The following CATSPERB variants were observed in gnomAD, a reference collection of about 807,000 sequenced individuals.
The protein encoded by CATSPERB is catsper channel auxiliary subunit beta.
A neutral mutation model predicts 128.3 loss-of-function variants in CATSPERB; 93 were observed. That is an observed-to-expected ratio of 0.72 (90% confidence interval 0.61 to 0.86). The LOEUF (loss-of-function observed/expected upper bound fraction) is 0.86. Among genes scored for constraint, CATSPERB ranks in the 40% least tolerant of loss-of-function variants. The probability of loss-of-function intolerance (pLI) is 0.00; values close to 1 mark genes in which losing one functional copy is unlikely to be tolerated. For synonymous variants in CATSPERB, 381 were observed against 448.8 expected, an observed-to-expected ratio of 0.85 and a Z score of 1.91; for missense variants, 1,153 against 1,329.5, an observed-to-expected ratio of 0.87 and a Z score of 2.06.
rs530401508 is a variant in CATSPERB, at chr14:91,582,758, G to A, written c.3133-1651C>T. On this transcript the variant is annotated intron_variant, in intron 26 of 26. Transcript: ENST00000256343. ...GCAAAGAAACCACCTGACTGCAGGG[G>A]TGAGGGACCACACCCTACGTCCCCT... Among the ~76,000 whole-genome samples the A allele has an allele frequency of 7.2e-5, 11 of 152,344 alleles. No homozygotes were observed. In the East Asian group the frequency reaches 1.5e-3, roughly 21 times the overall value.
chr14:91,612,012 T>TTTTCTTTCTTTCTTTC (rs71120177), intron 20 of CATSPERB, among the ~76,000 whole-genome samples: 1,861 of 133,012 alleles, frequency 0.014, 46 homozygotes, highest in African/African-American at 0.029. Context: ...TTGTTTACTG[T>TTTTCTTTCTTTCTTTC]TTTCTTTCTT....
At chr14:91,618,516 T>C (rs1162391791) in intron 19 of CATSPERB, among the ~76,000 whole-genome samples, 1 of 152,230 alleles carries the variant, frequency 6.6e-6, no homozygotes, top group Non-Finnish European at 1.5e-5. Context: ...GCTTCTCAAA[T>C]GCTAATCAAG....
At chr14:91,664,553 T>C (rs543667079) in intron 14 of CATSPERB, among the ~76,000 whole-genome samples, 1 of 152,128 alleles carries the variant, frequency 6.6e-6, no homozygotes, top group South Asian at 2.1e-4. Context: ...GTCTTCCATG[T>C]CTTTTACATG....
chr14:91,718,973 C>T (rs1895987308), intron 5 of CATSPERB, among the ~76,000 whole-genome samples: 1 of 152,104 alleles, frequency 6.6e-6, no homozygotes, highest in Non-Finnish European at 1.5e-5. Flanking sequence ...GACTTTTCTC[C>T]TCTTTTCATC....
chr14:91,624,533 C>T (rs1049072978), intron 18 of CATSPERB, among the ~76,000 whole-genome samples: 1 of 151,696 alleles, frequency 6.6e-6, no homozygotes, highest in Non-Finnish European at 1.5e-5. Context: ...CCCAGCTACT[C>T]GGGAGGCTGA....
chr14:91,655,044 C>T (rs1368664014), intron 15 of CATSPERB, among the ~76,000 whole-genome samples: 2 of 151,792 alleles, frequency 1.3e-5, no homozygotes, highest in African/African-American at 2.4e-5. Context: ...TACAAGTTCT[C>T]CTGGATCTTA....
intron 13 of CATSPERB, among the ~76,000 whole-genome samples, chr14:91,671,394 CA>C (rs1895085056): frequency 6.6e-6 from 1 of 151,956 alleles, no homozygotes; most frequent in Admixed American, 6.6e-5. Flanking sequence ...GCCAACATGA[CA>C]AAACCCCATC....
chr14:91,711,944 A>C (rs1287224218), intron 5 of CATSPERB, among the ~76,000 whole-genome samples: 1 of 152,256 alleles, frequency 6.6e-6, no homozygotes, highest in Non-Finnish European at 1.5e-5. Context: ...CAATATTTGA[A>C]CATTTTACAA....
intron 14 of CATSPERB, among the ~76,000 whole-genome samples, chr14:91,661,232 T>C (rs1172902332): frequency 2.6e-5 from 4 of 152,174 alleles, no homozygotes; most frequent in African/African-American, 7.2e-5. Context: ...GTACCTGTTT[T>C]TCTATAAGTT....
At chr14:91,597,118 C>T (rs191519686) in intron 22 of CATSPERB, among the ~76,000 whole-genome samples, 74 of 151,818 alleles carry the variant, frequency 4.9e-4, no homozygotes, top group Admixed American at 4.3e-3. Flanking sequence ...TGGTCTCGAT[C>T]TGACCTCGTG....
chr14:91,619,146 G>C (rs927248590), intron 19 of CATSPERB, among the ~76,000 whole-genome samples: 2 of 152,064 alleles, frequency 1.3e-5, no homozygotes, highest in Non-Finnish European at 2.9e-5. Flanking sequence ...GATTACAATG[G>C]AACAGATCCT....
intron 10 of CATSPERB, among the ~76,000 whole-genome samples, chr14:91,688,534 T>C (rs1252294524): frequency 1.3e-5 from 2 of 152,186 alleles, no homozygotes; most frequent in Non-Finnish European, 2.9e-5. Flanking sequence ...TCTGTTCCTT[T>C]TTAAATCCAT....
intron 11 of CATSPERB, among the ~76,000 whole-genome samples, chr14:91,680,320 G>A (rs1240734029): frequency 6.6e-6 from 1 of 152,154 alleles, no homozygotes; most frequent in Non-Finnish European, 1.5e-5. Context: ...TGGTGGTCAT[G>A]TGATATTATA....
chr14:91,639,092 T>C lies in CATSPERB; in HGVS notation c.1587+4A>G, dbSNP rs1894437145. On this transcript the variant is annotated splice_donor_region_variant and intron_variant, in intron 16 of 26. Transcript: ENST00000256343. Reference sequence around the variant, plus strand: ...CAAACTGTTTCAATGCATTATATACTGACCTGTCCAAAAAGATTTCTAGAA... The same window carrying C: ...CAAACTGTTTCAATGCATTATATACCGACCTGTCCAAAAAGATTTCTAGAA... 1 of 1,613,488 alleles carries C rather than the reference T, an allele frequency of 6.2e-7. No homozygotes were observed. Among genetic ancestry groups the C allele is most frequent in the Non-Finnish European group, 8.5e-7 (1 of 1,179,600 alleles).
At chr14:91,648,637 A>G (rs1286441458) in intron 15 of CATSPERB, among the ~76,000 whole-genome samples, 1 of 152,122 alleles carries the variant, frequency 6.6e-6, no homozygotes, top group East Asian at 1.9e-4. Flanking sequence ...TTTATATTTT[A>G]TCACAGAAAG....
chr14:91,710,030 C>T (rs1248962991), intron 5 of CATSPERB: 25 of 154,452 alleles, frequency 1.6e-4, no homozygotes, highest in Non-Finnish European at 1.5e-5. Flanking sequence ...TATGAAACAG[C>T]CAAGAGGCTG....
rs759204306 is a variant in CATSPERB at position 91,729,484 on chromosome 14, T to C, written c.1-5A>G. 1.4e-6 allele frequency: 2 copies of C among 1,472,020 alleles called. No homozygotes were observed. The highest frequency in any genetic ancestry group is 1.9e-6 in the Non-Finnish European group (2 of 1,070,158). 91.2% of individuals were successfully genotyped at this position (1,472,020 alleles called of 1,614,324 possible). ...ATATATAAGTGGCGATTCCATCTGT[T>C]GGAATAAATAAGAATTATTTTCACT... On this transcript the variant is annotated splice_region_variant and splice_polypyrimidine_tract_variant and intron_variant, in intron 1 of 26. Coordinates refer to ENST00000256343, the MANE Select transcript of CATSPERB (RefSeq NM_024764.4).
At chr14:91,618,267 T>C (rs1236395564) in intron 19 of CATSPERB, among the ~76,000 whole-genome samples, 1 of 152,190 alleles carries the variant, frequency 6.6e-6, no homozygotes, top group Non-Finnish European at 1.5e-5. Flanking sequence ...GCTTCTTTAC[T>C]GCAACCAGTT....
intron 17 of CATSPERB, among the ~76,000 whole-genome samples, chr14:91,627,574 T>C (rs1894190610): frequency 6.6e-6 from 1 of 152,200 alleles, no homozygotes; most frequent in Non-Finnish European, 1.5e-5. Flanking sequence ...CTTAGGTTTT[T>C]AGGGTCAGCA....
Sources: allele counts gnomAD v4.1 joint callset (sites outside exome capture counted in the v4.1 genomes callset), GRCh38; gene constraint gnomAD v4.1.1; transcripts MANE v1.5; gene names NCBI Gene and HGNC (gene_info 2026-07-23, HGNC 2026-07-21).